UBE3C: variants seen among roughly 807,000 people sequenced by gnomAD.
UBE3C encodes the protein ubiquitin-protein ligase E3C.
A neutral mutation model predicts 129.4 loss-of-function variants in UBE3C; 42 were observed. The ratio of observed to expected loss-of-function variants is 0.32; its 90% CI spans 0.25 to 0.42. The LOEUF is 0.42. Among genes scored for constraint, UBE3C ranks in the 10% least tolerant of loss-of-function variants. UBE3C has a pLI of 1.00. For synonymous variants in UBE3C, 510 were observed against 492.4 expected (o/e 1.04, Z -0.47); for missense variants, 1,049 against 1,319.1 (o/e 0.80, Z 3.17).
chr7:157,168,909 T>C lies in UBE3C; in HGVS notation c.121-139T>C, dbSNP rs1314533000. On this transcript the variant is annotated intron_variant, in intron 2 of 22. Transcript: ENST00000348165. ...CTTAATATATTAAATGCATATTTAG[T>C]GGGTGTTACCTTTTAAAGAATGAAT... is the stretch of plus-strand genomic sequence containing the variant. The C allele has an allele frequency of 4.9e-6, 3 of 615,748 alleles. No homozygotes were observed. The African/African-American group carries it at 5.6e-5, about 11-fold the overall frequency. 38.1% of individuals were successfully genotyped at this position (615,748 alleles called of 1,614,324 possible).
At chr7:157,199,622 C>T (rs1323228281) in intron 10 of UBE3C, among the ~76,000 whole-genome samples, 1 of 151,998 alleles carries the variant, frequency 6.6e-6, no homozygotes, top group African/African-American at 2.4e-5. Flanking sequence ...AGGCGCCTGC[C>T]ACCACGCCCA....
intron 10 of UBE3C, chr7:157,189,341 A>G (rs954921553): frequency 1.2e-4 from 21 of 175,858 alleles, no homozygotes; most frequent in Non-Finnish European, 2.0e-4. Context: ...TGGACGTGGA[A>G]ATTTGGATTT....
At chr7:157,225,315 G>A (rs1460387631) in intron 16 of UBE3C, 92 bp from the exon 17 acceptor site, 13 of 1,422,122 alleles carry the variant, frequency 9.1e-6, no homozygotes, top group Non-Finnish European at 1.1e-5. Flanking sequence ...AATTTATGAA[G>A]ATACAAAAGA....
chr7:157,260,910 T>G (rs1796885965), intron 22 of UBE3C, among the ~76,000 whole-genome samples: 1 of 152,186 alleles, frequency 6.6e-6, no homozygotes, highest in Non-Finnish European at 1.5e-5. Context: ...CTTCTCCACC[T>G]CCGTGATGCC....
At chr7:157,246,932 C>G (rs1202981928) in intron 18 of UBE3C, among the ~76,000 whole-genome samples, 1 of 152,146 alleles carries the variant, frequency 6.6e-6, no homozygotes, top group Non-Finnish European at 1.5e-5. Context: ...CTCTTGTTGC[C>G]CAGACTGGAG....
At chr7:157,227,338 G>A (rs1055362787) in intron 17 of UBE3C, among the ~76,000 whole-genome samples, 6 of 152,038 alleles carry the variant, frequency 3.9e-5, no homozygotes, top group Non-Finnish European at 8.8e-5. Context: ...CAAGTGGGGG[G>A]GCTGTAAGCT....
chr7:157,177,937 T>A (rs1808565442), intron 5 of UBE3C, among the ~76,000 whole-genome samples: 2 of 150,958 alleles, frequency 1.3e-5, no homozygotes, highest in Non-Finnish European at 2.9e-5. Context: ...CTGTTTTTTT[T>A]TTTTTTTAAG....
intron 10 of UBE3C, among the ~76,000 whole-genome samples, chr7:157,194,037 T>G (rs1809048840): frequency 6.6e-6 from 1 of 152,234 alleles, no homozygotes; most frequent in Non-Finnish European, 1.5e-5. Flanking sequence ...AAGGTTTGGT[T>G]GTTTTTTCCT....
intron 10 of UBE3C, among the ~76,000 whole-genome samples, chr7:157,197,114 G>T (rs1234199121): frequency 6.6e-6 from 1 of 152,142 alleles, no homozygotes; most frequent in Admixed American, 6.5e-5. Context: ...CATCTTAATA[G>T]GAGAAATAAT....
rs775896885 is a variant in UBE3C at position 157,267,776 on chromosome 7, C to G, written c.*21C>G. On this transcript the variant is annotated 3_prime_UTR_variant, in exon 23 of 23. Coordinates refer to ENST00000348165, the MANE Select transcript of UBE3C (RefSeq NM_014671.3). ...GCTGAAGCTGATGCTGGGGTCAGAC[C>G]CCTACAGAGAACCAGTGCTTCCTTC... 9.6e-6 allele frequency: 15 copies of G among 1,557,342 alleles called. No homozygotes were observed. The highest frequency in any genetic ancestry group is 1.3e-5 in the Non-Finnish European group (15 of 1,154,008).
At chr7:157,234,728 T>G (rs913596803) in intron 18 of UBE3C, among the ~76,000 whole-genome samples, 4 of 152,212 alleles carry the variant, frequency 2.6e-5, no homozygotes, top group Non-Finnish European at 5.9e-5. Context: ...ATCTTCAGGC[T>G]CACCGTATTT....
chr7:157,251,284 G>GC (rs1796614885), intron 19 of UBE3C, among the ~76,000 whole-genome samples: 1 of 152,176 alleles, frequency 6.6e-6, no homozygotes, highest in Non-Finnish European at 1.5e-5. Context: ...ATATGGTGCT[G>GC]CTCTCAAATT....
chr7:157,239,560 T>G (rs781075467), intron 18 of UBE3C, among the ~76,000 whole-genome samples: 2 of 152,066 alleles, frequency 1.3e-5, no homozygotes, highest in Non-Finnish European at 2.9e-5. Flanking sequence ...GGCTTGTGAT[T>G]AGGGCACTCT....
rs117505963 is a variant in UBE3C at position 157,219,242 on chromosome 7, T to C, written c.1915-1447T>C. 4.0e-3 allele frequency among the ~76,000 whole-genome samples: 602 copies of C among 152,288 alleles called. 4 individuals are homozygous for C. Among genetic ancestry groups the C allele is most frequent in the South Asian group, 0.019 (93 of 4,826 alleles). ...TGCACCTCTTCCTTACTCCAGAAAG[T>C]TGTGCGATGGGAAAATGTCAGCTGA... On this transcript the variant is annotated intron_variant, in intron 14 of 22. Coordinates refer to ENST00000348165, the MANE Select transcript of UBE3C (RefSeq NM_014671.3).
intron 18 of UBE3C, among the ~76,000 whole-genome samples, chr7:157,241,395 G>T (rs1796319812): frequency 6.6e-6 from 1 of 152,214 alleles, no homozygotes; most frequent in Non-Finnish European, 1.5e-5. Context: ...TGATAAAAAT[G>T]GGCGAAGGAT....
intron 1 of UBE3C, among the ~76,000 whole-genome samples, chr7:157,146,035 A>G (rs750084253): frequency 7.9e-5 from 12 of 152,112 alleles, no homozygotes; most frequent in Non-Finnish European, 1.8e-4. Flanking sequence ...TAGTTTTATA[A>G]TTTTGTATTT....
At chr7:157,256,223 GC>G (rs2116698523) in intron 21 of UBE3C, among the ~76,000 whole-genome samples, 1 of 152,178 alleles carries the variant, frequency 6.6e-6, no homozygotes, top group Admixed American at 6.5e-5. Flanking sequence ...GCTCACTGCA[GC>G]CTCTGCCTTC....
intron 22 of UBE3C, among the ~76,000 whole-genome samples, chr7:157,266,313 CA>C (rs924411849): frequency 1.3e-5 from 2 of 150,968 alleles, no homozygotes; most frequent in African/African-American, 2.4e-5. Context: ...GACTCCGTCT[CA>C]AAAAAATAAA....
chr7:157,231,120 T>C lies in UBE3C; in HGVS notation c.2274T>C (p.Asn758=). Reference sequence around the variant, plus strand: ...AGCGGATCCGTGTGCACTTGCTCAATGCCCATGGCCTGGATGAAGCTGGCA... The same window carrying C: ...AGCGGATCCGTGTGCACTTGCTCAACGCCCATGGCCTGGATGAAGCTGGCA... ...LKKRIRVHLL[N]AHGLDEAGID... The change falls in exon 18 of 23, where the codon AAT becomes AAC. Residue 758 remains asparagine (N), a synonymous_variant. Coordinates refer to ENST00000348165, the MANE Select transcript of UBE3C (RefSeq NM_014671.3). The C allele has an allele frequency of 6.2e-7, 1 of 1,614,150 alleles. No individual in the cohort carries two copies. Among genetic ancestry groups the C allele is most frequent in the Non-Finnish European group, 8.5e-7 (1 of 1,180,012 alleles).
Sources: gnomAD v4.1 joint callset for allele counts (sites outside exome capture counted in the v4.1 genomes callset) on GRCh38, gnomAD v4.1.1 for gene constraint, MANE v1.5 for transcripts, NCBI Gene and HGNC (gene_info 2026-07-23, HGNC 2026-07-21) for gene names.